The following NRXN1 variants were observed in gnomAD, a reference collection of about 807,000 sequenced individuals.
The protein encoded by NRXN1 is neurexin-1.
NRXN1 carries 39 observed loss-of-function variants against 150.9 expected under a neutral mutation model. That is an observed-to-expected ratio of 0.26 (90% CI 0.20 to 0.34). NRXN1 has a LOEUF of 0.34. NRXN1 is among the 10% of genes least tolerant of loss of function. The probability of loss-of-function intolerance (pLI) is 1.00; values close to 1 mark genes in which losing one functional copy is unlikely to be tolerated. For missense variants in NRXN1, 1,815 were observed against 1,949.9 expected (o/e 0.93, Z 1.30); for synonymous variants, 924 against 757.0 (o/e 1.22, Z -3.62).
chr2:50,521,191 G>C lies in NRXN1; in HGVS notation c.2374+7434C>G, dbSNP rs150840126. ...GTAAGCAACATTTAAAAGGGATTTT[G>C]TTAACTCATATCTTAAATCACGCAT... On this transcript the variant is annotated intron_variant, in intron 12 of 22. Coordinates refer to ENST00000401669, the MANE Select transcript of NRXN1 (RefSeq NM_001330078.2). Among the ~76,000 whole-genome samples the C allele has an allele frequency of 4.6e-3, 698 of 152,198 alleles. 4 individuals are homozygous for C. The highest frequency in any genetic ancestry group is 0.015 in the African/African-American group (604 of 41,538).
chr2:50,947,897 G>A (rs1225471725), intron 2 of NRXN1, among the ~76,000 whole-genome samples: 1 of 151,926 alleles, frequency 6.6e-6, no homozygotes, highest in Non-Finnish European at 1.5e-5. Flanking sequence ...AATTTGATAA[G>A]TTTACATAAG....
chr2:50,625,356 T>G (rs1227801809), intron 5 of NRXN1, among the ~76,000 whole-genome samples: 1 of 152,054 alleles, frequency 6.6e-6, no homozygotes, highest in Non-Finnish European at 1.5e-5. Context: ...GGAATATTAG[T>G]CATTGACTAC....
intron 5 of NRXN1, among the ~76,000 whole-genome samples, chr2:50,818,245 T>C (rs1017894280): frequency 2.0e-5 from 3 of 151,648 alleles, no homozygotes; most frequent in South Asian, 2.1e-4. Flanking sequence ...AAGGATTGCA[T>C]TGAATCTGCT....
In NRXN1 at chr2:51,027,622, C is replaced by T. The variant is rs756078185; in HGVS notation, c.652G>A (p.Glu218Lys). Reference protein sequence around the residue: ...PPNSGGGSPCEAGEEGEGGVC... With the variant: ...PPNSGGGSPCKAGEEGEGGVC... ...CCGCCCTCGCCCTCCTCGCCCGCCTCGCACGGGCTTCCCCCGCCGCTGTTG... is the reference window on the plus strand; with the variant it reads ...CCGCCCTCGCCCTCCTCGCCCGCCTTGCACGGGCTTCCCCCGCCGCTGTTG... The change falls in exon 2 of 23, where the codon GAG becomes AAG. Residue 218 changes from glutamate to lysine, a missense_variant. Transcript: ENST00000401669. 1 of 1,585,792 alleles carries T rather than the reference C, an allele frequency of 6.3e-7. No homozygotes were observed. Among genetic ancestry groups the T allele is most frequent in the South Asian group, 1.1e-5 (1 of 87,834 alleles).
At chr2:50,505,654 C>A (rs754110758) in intron 13 of NRXN1, among the ~76,000 whole-genome samples, 17 of 152,028 alleles carry the variant, frequency 1.1e-4, no homozygotes, top group Non-Finnish European at 2.1e-4. Context: ...AGTTAAGGAA[C>A]GATTGTTTCA....
intron 17 of NRXN1, among the ~76,000 whole-genome samples, chr2:50,460,489 C>T (rs1232722614): frequency 1.3e-5 from 2 of 152,010 alleles, no homozygotes; most frequent in Non-Finnish European, 2.9e-5. Context: ...CCTAAATTTT[C>T]TCATATAGAT....
At chr2:50,158,607 A>C (rs1052766665) in intron 18 of NRXN1, among the ~76,000 whole-genome samples, 3 of 152,072 alleles carry the variant, frequency 2.0e-5, no homozygotes, top group African/African-American at 7.2e-5. Flanking sequence ...GTTCTTTGTG[A>C]AGGAAAAAAA....
intron 17 of NRXN1, among the ~76,000 whole-genome samples, chr2:50,404,869 C>A (rs2082645627): frequency 6.6e-6 from 1 of 152,034 alleles, no homozygotes; most frequent in Non-Finnish European, 1.5e-5. Flanking sequence ...GAGAGAGTAA[C>A]AGGGTTTCCA....
intron 21 of NRXN1, among the ~76,000 whole-genome samples, chr2:50,028,056 G>T (rs1318506670): frequency 1.3e-4 from 20 of 151,054 alleles, no homozygotes; most frequent in Admixed American, 1.3e-3. Flanking sequence ...AGAGGCTGTG[G>T]AGAAAAAATT....
chr2:50,371,531 C>T (rs1258217012), intron 17 of NRXN1, among the ~76,000 whole-genome samples: 1 of 152,060 alleles, frequency 6.6e-6, no homozygotes, highest in East Asian at 1.9e-4. Flanking sequence ...ATTATGTGGT[C>T]AGTTGAGTTA....
rs977746844 is a variant in NRXN1, at chr2:50,935,293, C to A, written c.773-9338G>T. Among the ~76,000 whole-genome samples the A allele has an allele frequency of 2.0e-5, 3 of 152,048 alleles. No individual in the cohort carries two copies. The East Asian group carries it at 5.8e-4, about 29-fold the overall frequency. On this transcript the variant is annotated intron_variant, in intron 2 of 22. Coordinates refer to ENST00000401669, the MANE Select transcript of NRXN1 (RefSeq NM_001330078.2). ...TCAACATTTCTGTAAGACTTAAATA[C>A]AGCAGAGATAAGGCAATTGGATAAA...
intron 17 of NRXN1, among the ~76,000 whole-genome samples, chr2:50,434,040 G>GC: frequency 1.7e-5 from 2 of 121,002 alleles, no homozygotes; most frequent in Non-Finnish European, 3.3e-5. Context: ...CGGTATCTAA[G>GC]CCATTTTTTT....
intron 17 of NRXN1, among the ~76,000 whole-genome samples, chr2:50,371,776 A>T (rs2080048020): frequency 7.4e-6 from 1 of 135,074 alleles, no homozygotes; most frequent in Non-Finnish European, 1.6e-5. Context: ...AATTTATAAG[A>T]TATTTTTATA....
At chr2:50,438,316 G>A (rs902764127) in intron 17 of NRXN1, among the ~76,000 whole-genome samples, 1 of 152,198 alleles carries the variant, frequency 6.6e-6, no homozygotes, top group African/African-American at 2.4e-5. Flanking sequence ...GAGAAAACTA[G>A]GAGTGGGATT....
chr2:50,670,992 C>G (rs1688760673), intron 5 of NRXN1, among the ~76,000 whole-genome samples: 1 of 151,810 alleles, frequency 6.6e-6, no homozygotes, highest in South Asian at 2.1e-4. Context: ...TGGAAAGACA[C>G]TTTAAGATTA....
intron 5 of NRXN1, among the ~76,000 whole-genome samples, chr2:50,649,174 T>G (rs1486082506): frequency 6.9e-6 from 1 of 144,652 alleles, no homozygotes; most frequent in Non-Finnish European, 1.5e-5. Context: ...TTTGGATAGT[T>G]TGAATTATGT....
intron 17 of NRXN1, among the ~76,000 whole-genome samples, chr2:50,374,713 T>C (rs1028320261): frequency 1.3e-5 from 2 of 152,204 alleles, no homozygotes; most frequent in African/African-American, 4.8e-5. Context: ...CTTTATGTGA[T>C]GAAATTTTTA....
At chr2:50,471,336 A>C (rs1012365579) in intron 16 of NRXN1, among the ~76,000 whole-genome samples, 2 of 151,776 alleles carry the variant, frequency 1.3e-5, no homozygotes, top group African/African-American at 4.8e-5. Context: ...GCTCCCACTT[A>C]TAAGTGAGTA....
At chr2:50,786,868 T>C (rs1705197208) in intron 5 of NRXN1, among the ~76,000 whole-genome samples, 4 of 152,156 alleles carry the variant, frequency 2.6e-5, no homozygotes, top group Non-Finnish European at 4.4e-5. Flanking sequence ...CACAGTGAAA[T>C]AGAACACCAA....
Sources: gnomAD v4.1 joint callset for allele counts (sites outside exome capture counted in the v4.1 genomes callset) on GRCh38, gnomAD v4.1.1 for gene constraint, MANE v1.5 for transcripts, NCBI Gene and HGNC (gene_info 2026-07-23, HGNC 2026-07-21) for gene names.